Variants in SUN1 observed in about 807,000 individuals in gnomAD.
SUN1 encodes the protein SUN domain-containing protein 1.
SUN1 carries 61 observed loss-of-function variants against 103.2 expected under a neutral mutation model. That is an observed-to-expected ratio of 0.59 (90% CI 0.48 to 0.73). The LOEUF (loss-of-function observed/expected upper bound fraction) is 0.73. Ranked by LOEUF, SUN1 falls within the 30% of genes least tolerant of loss-of-function variation. The pLI is 0.00. For synonymous variants in SUN1, 490 were observed against 425.7 expected, an observed-to-expected ratio of 1.15 and a Z score of -1.86; for missense variants, 1,052 against 1,034.6, an observed-to-expected ratio of 1.02 and a Z score of -0.23.
At chr7:835,300 A>G (rs988231241) in intron 1 of SUN1, among the ~76,000 whole-genome samples, 1 of 152,230 alleles carries the variant, frequency 6.6e-6, no homozygotes, top group Non-Finnish European at 1.5e-5. Context: ...TCACTGGGAC[A>G]GGGTGGGCCC....
chr7:844,948 C>T (rs1584641093), intron 5 of SUN1, among the ~76,000 whole-genome samples: 1 of 152,166 alleles, frequency 6.6e-6, no homozygotes, highest in Admixed American at 6.5e-5. Context: ...GTAGCTTAAT[C>T]GACGCGCACA....
At chr7:837,444 T>C (rs59323074) in intron 1 of SUN1, among the ~76,000 whole-genome samples, 17,032 of 151,442 alleles carry the variant, frequency 0.11, 1,114 homozygotes, top group South Asian at 0.23. Context: ...GAGTCAATTT[T>C]TTTCAATCTT....
rs1562653777 is a variant in SUN1 at position 847,014 on chromosome 7, T to TAAAAAAAAAAA, written c.658+3499_658+3500insAAAAAAAAAAA. Among the ~76,000 whole-genome samples, 14 of 152,230 alleles carry TAAAAAAAAAAA rather than the reference T, an allele frequency of 9.2e-5. No individual in the cohort carries two copies. The East Asian group carries it at 1.9e-3, about 21-fold the overall frequency. On this transcript the variant is annotated intron_variant, in intron 5 of 18. Coordinates refer to ENST00000401592, the MANE Select transcript of SUN1 (RefSeq NM_001130965.3). Reference sequence around the variant, plus strand: ...GCAAGAGCTTATCTCTAAAAAAAATTAAAAATAAAAATAATAAATAGCAAA... The same window carrying TAAAAAAAAAAA: ...GCAAGAGCTTATCTCTAAAAAAAATTAAAAAAAAAAAAAAAATAAAAATAATAAATAGCAAA...
At position 855,021 on chromosome 7, in the gene SUN1, C is replaced by G. The variant is rs141644029; in HGVS notation, c.1350+15C>G. The G allele has an allele frequency of 1.7e-4, 273 of 1,586,610 alleles. 1 individual carries two copies. In the African/African-American group the frequency reaches 3.5e-3, roughly 20 times the overall value. On this transcript the variant is annotated intron_variant, in intron 11 of 18. Transcript: ENST00000401592. ...AAAAATCTGAGGTATTTATTTTTGA[C>G]CTTACGCTTTTTTAAAATAAAAAGA...
intron 5 of SUN1, 72 bp from the exon 6 acceptor site, chr7:851,312 C>A: frequency 7.4e-7 from 1 of 1,356,724 alleles, no homozygotes; most frequent in Non-Finnish European, 1.0e-6. Flanking sequence ...GCTTGGGCGT[C>A]CCCACCGTGC....
Position 843,509 on chromosome 7 carries a change from G to A in SUN1, c.647G>A (p.Arg216Lys), listed in dbSNP as rs780828705. Residue 216 changes from arginine (R) to lysine (K), a missense_variant, in exon 5 of 19, where the codon AGG (arginine) becomes AAG (lysine). Coordinates refer to ENST00000401592, the MANE Select transcript of SUN1 (RefSeq NM_001130965.3). Reference sequence around the variant, plus strand: ...GTGTCGAGAGTTTATTCTAGGGACAGGAATCAAAAATGTAAGTCTCAGTCC... The same window carrying A: ...GTGTCGAGAGTTTATTCTAGGGACAAGAATCAAAAATGTAAGTCTCAGTCC... ...GPVSRVYSRD[R>K]NQKCYFLLQI... 1.9e-6 allele frequency: 3 copies of A among 1,614,026 alleles called. No individual in the cohort carries two copies. In the Admixed American group the frequency reaches 5.0e-5, roughly 27 times the overall value.
rs576146041 is a variant in SUN1, at chr7:854,734, C to T, written c.1264-186C>T. 4.6e-5 allele frequency among the ~76,000 whole-genome samples: 7 copies of T among 152,288 alleles called. No individual in the cohort carries two copies. In the South Asian group the frequency reaches 1.0e-3, roughly 23 times the overall value. On this transcript the variant is annotated intron_variant, in intron 10 of 18. Coordinates refer to ENST00000401592, the MANE Select transcript of SUN1 (RefSeq NM_001130965.3). ...AAATAAATATATATATAAATAAAGA[C>T]CTCTGGAGCCAGGGCTGAAATAAGG...
Position 869,343 on chromosome 7 carries a change from C to A in SUN1, c.1981-6C>A, listed in dbSNP as rs766555403. ...CTCTGAGTCCTCATGTTTTTCCTTT[C>A]CCCAGCCTGACATTTACCCCGGTAA... On this transcript the variant is annotated splice_region_variant and splice_polypyrimidine_tract_variant and intron_variant, in intron 16 of 18. Transcript: ENST00000401592. 6.2e-7 allele frequency: 1 copy of A among 1,611,546 alleles called. No homozygotes were observed. The highest frequency in any genetic ancestry group is 1.1e-5 in the South Asian group (1 of 90,830).
upstream of SUN1, among the ~76,000 whole-genome samples, chr7:827,476 T>TG (rs1554260665): frequency 0.021 from 2,981 of 141,138 alleles, 109 homozygotes; most frequent in African/African-American, 0.066. Flanking sequence ...GTTTTTTTTT[T>TG]TTTTTTTTTT....
intron 1 of SUN1, among the ~76,000 whole-genome samples, chr7:822,366 A>G (rs1787021963): frequency 6.6e-6 from 1 of 152,202 alleles, no homozygotes; most frequent in South Asian, 2.1e-4. Context: ...AGGCGGTAAC[A>G]TCTGTGTGAC....
rs375516222 is a variant in SUN1 at position 857,858 on chromosome 7, C to G, written c.1425C>G (p.Val475=). The G allele has an allele frequency of 1.6e-5, 25 of 1,597,774 alleles. No homozygotes were observed. In the African/African-American group the frequency reaches 2.8e-4, roughly 18 times the overall value. The part of the protein sequence containing the change: ...SAVGEQLLPT[V]EHLQLELDQL... The stretch of plus-strand genomic sequence containing the variant: ...TTGGTGAGCAGCTCCTGCCCACAGT[C>G]GAGCACCTCCAGCTGGAGCTGGATC... The change falls in exon 13 of 19, where the codon GTC becomes GTG. Residue 475 remains valine (V), a synonymous_variant. Coordinates refer to ENST00000401592, the MANE Select transcript of SUN1 (RefSeq NM_001130965.3).
Position 856,349 on chromosome 7 carries a change from A to T in SUN1, c.1351-9A>T. On this transcript the variant is annotated splice_polypyrimidine_tract_variant and intron_variant, in intron 11 of 18. Coordinates refer to ENST00000401592, the MANE Select transcript of SUN1 (RefSeq NM_001130965.3). ...TGTGTTTCAGTAGACTATTTCTCATACTTTTTAGGCCATCCAGAAGGAACT... is the reference window on the plus strand; with the variant it reads ...TGTGTTTCAGTAGACTATTTCTCATTCTTTTTAGGCCATCCAGAAGGAACT... 3 of 1,613,858 alleles carry T rather than the reference A, an allele frequency of 1.9e-6. No homozygotes were observed. The highest frequency in any genetic ancestry group is 2.5e-6 in the Non-Finnish European group (3 of 1,179,766).
At position 874,276 on chromosome 7, in the gene SUN1, T is replaced by A. The variant is rs1159379635; in HGVS notation, c.*945T>A. 6.6e-6 allele frequency: 1 copy of A among 152,646 alleles called. No individual in the cohort carries two copies. Among genetic ancestry groups the A allele is most frequent in the African/African-American group, 2.4e-5 (1 of 41,452 alleles). The allele number at this position is 152,646 out of a possible 1,614,324, so 9.5% of individuals were successfully genotyped here. A position where few individuals can be genotyped will look rare whatever the true frequency, so the allele number is the denominator to read the frequency against. The stretch of plus-strand genomic sequence containing the variant: ...TCCTTCAGCAGCATTTCTTACTGGC[T>A]GTGGCTGGAATCTGCCTTTTATCAC... On this transcript the variant is annotated 3_prime_UTR_variant, in exon 19 of 19. Coordinates refer to ENST00000401592, the MANE Select transcript of SUN1 (RefSeq NM_001130965.3).
intron 5 of SUN1, chr7:843,872 T>G: frequency 7.6e-7 from 1 of 1,307,964 alleles, no homozygotes; most frequent in Non-Finnish European, 9.7e-7. Context: ...AAGGAGTGGC[T>G]TTGGGACGCT....
chr7:853,065 T>G (rs1823766426), intron 9 of SUN1, 113 bp downstream of exon 9: 1 of 1,383,774 alleles, frequency 7.2e-7, no homozygotes, highest in Non-Finnish European at 9.6e-7. Flanking sequence ...TAAGAAGTAT[T>G]TTTAAATGTC....
intron 1 of SUN1, 90 bp from the exon 2 acceptor site, chr7:838,701 CCACAGTA>C (rs1805999929): frequency 1.6e-6 from 2 of 1,260,196 alleles, no homozygotes; most frequent in Non-Finnish European, 2.1e-6. Flanking sequence ...TCTTGAAAAT[CCACAGTA>C]CATTGCACTT....
intron 1 of SUN1, among the ~76,000 whole-genome samples, chr7:820,277 A>G (rs978998240): frequency 1.3e-5 from 2 of 152,222 alleles, no homozygotes; most frequent in Non-Finnish European, 2.9e-5. Context: ...TTTTCAGTGT[A>G]CAAGTGGTGC....
chr7:860,052 TC>T, intron 13 of SUN1, 75 bp from the exon 14 acceptor site: 5 of 1,544,240 alleles, frequency 3.2e-6, no homozygotes, highest in Non-Finnish European at 4.4e-6. Flanking sequence ...TTCTGAGGTA[TC>T]TAAGATAATG....
rs1315081574 is a variant in SUN1 at position 857,874 on chromosome 7, G to C, written c.1441G>C (p.Glu481Gln). The change falls in exon 13 of 19, where the codon GAG becomes CAG. Residue 481 changes from glutamate (E) to glutamine (Q), a missense_variant. Transcript: ENST00000401592. ...LLPTVEHLQL[E>Q]LDQLKSELSS... is the part of the protein sequence containing the mutation. The stretch of plus-strand genomic sequence containing the variant: ...GCCCACAGTCGAGCACCTCCAGCTG[G>C]AGCTGGATCAGCTAAAGTCAGAGCT... 2 of 1,599,472 alleles carry C rather than the reference G, an allele frequency of 1.3e-6. No individual in the cohort carries two copies. The highest frequency in any genetic ancestry group is 1.1e-5 in the South Asian group (1 of 90,398).
Sources: allele counts gnomAD v4.1 joint callset (sites outside exome capture counted in the v4.1 genomes callset), GRCh38; gene constraint gnomAD v4.1.1; transcripts MANE v1.5; gene names NCBI Gene and HGNC (gene_info 2026-07-23, HGNC 2026-07-21).